The following PTPRR variants were observed in gnomAD, a reference collection of about 807,000 sequenced individuals.
PTPRR encodes the protein protein tyrosine phosphatase receptor type R, also known as receptor-type tyrosine-protein phosphatase R.
Under a neutral mutation model 77.2 loss-of-function variants are expected in PTPRR, and 38 were observed. The observed-to-expected ratio is 0.49, with a 90% CI of 0.38 to 0.65. The LOEUF (loss-of-function observed/expected upper bound fraction) is 0.65. Among genes scored for constraint, PTPRR ranks in the 30% least tolerant of loss-of-function variants. The pLI, the probability that PTPRR is intolerant of heterozygous loss-of-function variation, is 0.00. For missense variants in PTPRR, 744 were observed against 799.2 expected (o/e 0.93, Z 0.83); for synonymous variants, 299 against 283.1 (o/e 1.06, Z -0.57).
intron 1 of PTPRR, among the ~76,000 whole-genome samples, chr12:70,900,800 A>T (rs1294925589): frequency 6.6e-6 from 1 of 151,660 alleles, no homozygotes; most frequent in African/African-American, 2.4e-5. Flanking sequence ...CATTAGGAAA[A>T]TGCAAATTAA....
chr12:70,639,472 GCTT>G, intron 13 of PTPRR, 195 bp from the exon 14 acceptor site: 1 of 1,368,508 alleles, frequency 7.3e-7, no homozygotes, highest in Non-Finnish European at 9.5e-7. Flanking sequence ...TATATAAAGG[GCTT>G]AACACAGTTC....
At chr12:70,878,814 C>T (rs956442260) in intron 2 of PTPRR, among the ~76,000 whole-genome samples, 4 of 152,124 alleles carry the variant, frequency 2.6e-5, no homozygotes, top group Non-Finnish European at 5.9e-5. Flanking sequence ...ATGTTTATTG[C>T]AGCACTATTC....
At chr12:70,807,564 T>C (rs1381828036) in intron 2 of PTPRR, among the ~76,000 whole-genome samples, 1 of 152,246 alleles carries the variant, frequency 6.6e-6, no homozygotes, top group African/African-American at 2.4e-5. Context: ...AATTCCTTGA[T>C]GGAAAGTTTT....
At chr12:70,795,424 T>A (rs1891494457) in intron 2 of PTPRR, among the ~76,000 whole-genome samples, 1 of 152,216 alleles carries the variant, frequency 6.6e-6, no homozygotes, top group Non-Finnish European at 1.5e-5. Flanking sequence ...AAATGAAAAT[T>A]TCATAGTAAC....
At position 70,799,158 on chromosome 12, in the gene PTPRR, C is replaced by A. The variant is rs1455470809; in HGVS notation, c.358-34380G>T. Among the ~76,000 whole-genome samples the A allele has an allele frequency of 3.9e-5, 6 of 152,048 alleles. No individual in the cohort carries two copies. The East Asian group carries it at 1.2e-3, about 29-fold the overall frequency. On this transcript the variant is annotated intron_variant, in intron 2 of 13. Transcript: ENST00000283228. ...ACCTGTACACATTAATTTTTATCCT[C>A]AAAAAACAGTCCAGAGTACCTATAG...
At chr12:70,648,442 C>T (rs1024027947) in intron 13 of PTPRR, among the ~76,000 whole-genome samples, 4 of 152,198 alleles carry the variant, frequency 2.6e-5, no homozygotes, top group Non-Finnish European at 4.4e-5. Context: ...CTGACATCCA[C>T]TTAAGCTTTG....
chr12:70,750,670 C>T (rs1416636834), intron 5 of PTPRR, among the ~76,000 whole-genome samples: 3 of 152,108 alleles, frequency 2.0e-5, no homozygotes, highest in Admixed American at 6.6e-5. Flanking sequence ...TACTTCTTTT[C>T]TTGTGAATAT....
intron 6 of PTPRR, among the ~76,000 whole-genome samples, chr12:70,731,728 A>T (rs1457744641): frequency 1.3e-5 from 2 of 152,206 alleles, no homozygotes; most frequent in African/African-American, 4.8e-5. Context: ...AAATAGACGA[A>T]TATGTCTAAC....
At chr12:70,769,771 T>C (rs371292068) in intron 2 of PTPRR, among the ~76,000 whole-genome samples, 9,960 of 151,684 alleles carry the variant, frequency 0.066, 351 homozygotes, top group Middle Eastern at 0.096. Flanking sequence ...ACTACAAGGC[T>C]ACAGTAAACA....
At position 70,764,690 on chromosome 12, in the gene PTPRR, TG is replaced by T. The variant is rs780098687; in HGVS notation, c.445del (p.Gln149SerfsTer22). The T allele has an allele frequency of 1.2e-6, 2 of 1,613,682 alleles. No homozygotes were observed. The highest frequency in any genetic ancestry group is 1.3e-5 in the African/African-American group (1 of 74,928). On this transcript the variant is annotated frameshift_variant, in exon 3 of 14. Transcript: ENST00000283228. LOFTEE classifies it high-confidence loss of function. The part of the protein sequence containing the change: ...GVAAALGLLP[Q>X]QVHINRLIGK... ...AATGAGGCGATTGATGTGCACTTGCTGGGGTAAGAGTCCTAAAGCTGCAGCC... is the reference window on the plus strand; with the variant it reads ...AATGAGGCGATTGATGTGCACTTGCTGGGTAAGAGTCCTAAAGCTGCAGCC...
intron 6 of PTPRR, among the ~76,000 whole-genome samples, chr12:70,742,927 T>G (rs1565677312): frequency 6.6e-6 from 1 of 152,184 alleles, no homozygotes; most frequent in Non-Finnish European, 1.5e-5. Flanking sequence ...AGGAAGGTCT[T>G]GAGTTCCATT....
At chr12:70,858,237 T>C (rs758754006) in intron 2 of PTPRR, among the ~76,000 whole-genome samples, 9 of 151,968 alleles carry the variant, frequency 5.9e-5, no homozygotes, top group Non-Finnish European at 1.2e-4. Context: ...CATGGTCCAA[T>C]GACTCTTCCC....
intron 6 of PTPRR, among the ~76,000 whole-genome samples, chr12:70,740,348 A>C (rs1890006737): frequency 6.8e-6 from 1 of 147,780 alleles, no homozygotes; most frequent in Non-Finnish European, 1.5e-5. Context: ...AAGGGAGAAA[A>C]GAAGACTGAA....
intron 2 of PTPRR, among the ~76,000 whole-genome samples, chr12:70,767,434 G>C (rs998583344): frequency 1.8e-4 from 27 of 151,120 alleles, no homozygotes; most frequent in African/African-American, 6.6e-4. Flanking sequence ...TTACATAATG[G>C]TAAAGGGATC....
intron 2 of PTPRR, among the ~76,000 whole-genome samples, chr12:70,845,067 C>A (rs1892461069): frequency 6.6e-6 from 1 of 152,042 alleles, no homozygotes; most frequent in Non-Finnish European, 1.5e-5. Context: ...TTGAACTGGA[C>A]ATGGAAAAAG....
At chr12:70,668,754 G>A (rs1219417033) in intron 10 of PTPRR, among the ~76,000 whole-genome samples, 2 of 151,868 alleles carry the variant, frequency 1.3e-5, no homozygotes, top group Non-Finnish European at 2.9e-5. Flanking sequence ...TGAAATTTAA[G>A]GCAATGTACT....
chr12:70,639,306 A>T lies in PTPRR; in HGVS notation c.1881-29T>A, dbSNP rs758512872. 4.4e-6 allele frequency: 7 copies of T among 1,604,710 alleles called. No homozygotes were observed. The African/African-American group carries it at 8.0e-5, about 18-fold the overall frequency. The stretch of plus-strand genomic sequence containing the variant: ...CAAGGAAGAAATCATAAAATAACTG[A>T]TTTTGCTAAAATCTTGCAATTTCAA... On this transcript the variant is annotated intron_variant, in intron 13 of 13. Coordinates refer to ENST00000283228, the MANE Select transcript of PTPRR (RefSeq NM_002849.4).
intron 2 of PTPRR, among the ~76,000 whole-genome samples, chr12:70,835,229 A>G (rs1199557069): frequency 1.3e-5 from 2 of 152,168 alleles, no homozygotes; most frequent in Non-Finnish European, 2.9e-5. Flanking sequence ...GACTATATGC[A>G]TAAATGCCCT....
chr12:70,870,298 G>A (rs1318534730), intron 2 of PTPRR, among the ~76,000 whole-genome samples: 1 of 152,080 alleles, frequency 6.6e-6, no homozygotes, highest in Non-Finnish European at 1.5e-5. Context: ...GAGCCTCAAT[G>A]TCATTATCTG....
Sources: gnomAD v4.1 joint callset for allele counts (sites outside exome capture counted in the v4.1 genomes callset) on GRCh38, gnomAD v4.1.1 for gene constraint, MANE v1.5 for transcripts, NCBI Gene and HGNC (gene_info 2026-07-23, HGNC 2026-07-21) for gene names.